The following ACOT1 variants were observed in gnomAD, a reference collection of about 807,000 sequenced individuals.
ACOT1 encodes the protein acyl-CoA thioesterase 1.
Under a neutral mutation model 15.7 loss-of-function variants are expected in ACOT1, and 8 were observed. The observed-to-expected ratio is 0.51, with a 90% CI of 0.30 to 0.92. ACOT1 has a LOEUF of 0.92. Ranked by LOEUF, ACOT1 falls within the 40% of genes least tolerant of loss-of-function variation. The pLI is 0.06. For missense variants in ACOT1, 151 were observed against 539.4 expected (o/e 0.28, Z 7.13); for synonymous variants, 67 against 241.2 (o/e 0.28, Z 6.69).
chr14:73,505,788 G>A, the ACOT1 span, among the ~76,000 whole-genome samples: 5 of 151,766 alleles, frequency 3.3e-5, no homozygotes, highest in South Asian at 2.1e-4. Context: ...AGTGCTTCTC[G>A]AATGATCTTT....
At chr14:73,503,078 T>C in the ACOT1 span, 7 of 1,322,644 alleles carry the variant, frequency 5.3e-6, no homozygotes, top group Non-Finnish European at 7.6e-6. Flanking sequence ...CTTGGCGTTG[T>C]GCTGTTTTTT....
At chr14:73,509,570 C>T in the ACOT1 span, 897 of 1,227,284 alleles carry the variant, frequency 7.3e-4, 8 homozygotes, top group African/African-American at 0.012. Flanking sequence ...ACCTCAGTCC[C>T]AGCTGCAGTT....
At chr14:73,495,504 G>A in the ACOT1 span, 31 of 806,566 alleles carry the variant, frequency 3.8e-5, no homozygotes, top group Non-Finnish European at 5.6e-5. Context: ...GATCACTTGA[G>A]CCCAACAGTT....
the ACOT1 span, chr14:73,520,813 T>TC: frequency 1.3e-6 from 2 of 1,566,982 alleles, no homozygotes; most frequent in South Asian, 2.3e-5. Context: ...CTGGCCCATG[T>TC]CCCCGTGTGC....
the ACOT1 span, chr14:73,521,146 A>G: frequency 2.1e-6 from 2 of 951,300 alleles, no homozygotes; most frequent in Non-Finnish European, 3.2e-6. Flanking sequence ...CTCAGCTCCT[A>G]TACACGTGAG....
At chr14:73,504,286 A>C in the ACOT1 span, among the ~76,000 whole-genome samples, 1 of 147,966 alleles carries the variant, frequency 6.8e-6, no homozygotes, top group South Asian at 2.1e-4. Flanking sequence ...TCTGTTGCCC[A>C]GGCTGGGGCG....
chr14:73,493,448 C>A, the ACOT1 span: 1 of 257,314 alleles, frequency 3.9e-6, no homozygotes. Flanking sequence ...AATGCAGGAG[C>A]GGGAGGAAGA....
the ACOT1 span, among the ~76,000 whole-genome samples, chr14:73,515,463 T>A: frequency 1.3e-5 from 2 of 151,826 alleles, no homozygotes; most frequent in Admixed American, 1.3e-4. Context: ...GTGGATCACT[T>A]GAGGTCACAA....
chr14:73,524,310 A>ATATATATATATAT, the ACOT1 span, among the ~76,000 whole-genome samples: 33 of 54,758 alleles, frequency 6.0e-4, no homozygotes, highest in African/African-American at 7.1e-4. Flanking sequence ...AAAAAAAAAA[A>ATATATATATATAT]ATATATATAT....
chr14:73,494,124 A>G, the ACOT1 span, among the ~76,000 whole-genome samples: 1 of 152,294 alleles, frequency 6.6e-6, no homozygotes, highest in South Asian at 2.1e-4. Flanking sequence ...TGTTCAAGTT[A>G]CTTTCCACTC....
chr14:73,499,317 C>A, the ACOT1 span, among the ~76,000 whole-genome samples: 7 of 152,202 alleles, frequency 4.6e-5, no homozygotes, highest in South Asian at 1.5e-3. Context: ...CCTGTCTCTA[C>A]TAAAAATACA....
chr14:73,508,298 C>A, the ACOT1 span: 1 of 1,613,128 alleles, frequency 6.2e-7, no homozygotes, highest in Non-Finnish European at 8.5e-7. Context: ...CTGTTACCTG[C>A]CACAGTTGGG....
the ACOT1 span, among the ~76,000 whole-genome samples, chr14:73,501,569 CTTTTTTT>C: frequency 9.2e-5 from 10 of 108,154 alleles, no homozygotes; most frequent in Non-Finnish European, 1.3e-4. Context: ...GTCTCTCTCT[CTTTTTTT>C]TTTTTTTTTT....
the ACOT1 span, chr14:73,490,975 C>T: frequency 6.1e-6 from 8 of 1,317,020 alleles, no homozygotes; most frequent in Non-Finnish European, 7.8e-6. Flanking sequence ...GCTTTAGCTT[C>T]GCCCCCGGCC....
the ACOT1 span, among the ~76,000 whole-genome samples, chr14:73,526,166 G>A: frequency 2.9e-4 from 44 of 152,112 alleles, no homozygotes; most frequent in African/African-American, 1.0e-3. Context: ...TTTTGCATTG[G>A]AACTCACTGC....
At chr14:73,519,030 A>C in the ACOT1 span, 2 of 1,612,378 alleles carry the variant, frequency 1.2e-6, no homozygotes, top group Non-Finnish European at 1.7e-6. Context: ...TACATGCTTC[A>C]GGAATTGCCT....
the ACOT1 span, among the ~76,000 whole-genome samples, chr14:73,526,637 C>T: frequency 6.6e-6 from 1 of 152,234 alleles, no homozygotes; most frequent in African/African-American, 2.4e-5. Context: ...AATCCTGAGG[C>T]TCCTGATTCC....
At chr14:73,523,300 G>A in the ACOT1 span, 1 of 703,762 alleles carries the variant, frequency 1.4e-6, no homozygotes. Flanking sequence ...TTCAGAAAGA[G>A]AATAACTTGA....
chr14:73,533,246 C>G (rs1421452273), upstream of ACOT1, among the ~76,000 whole-genome samples: 2 of 115,056 alleles, frequency 1.7e-5, 1 homozygote, highest in East Asian at 1.3e-3. Flanking sequence ...GGGACTTTAA[C>G]AGATATTTGT....
Sources: allele counts gnomAD v4.1 joint callset (sites outside exome capture counted in the v4.1 genomes callset), GRCh38; gene constraint gnomAD v4.1.1; transcripts MANE v1.5; gene names NCBI Gene and HGNC (gene_info 2026-07-23, HGNC 2026-07-21).